The following IFT74 variants were observed in gnomAD, a reference collection of about 807,000 sequenced individuals.
IFT74 encodes intraflagellar transport protein 74 homolog.
Under a neutral mutation model 96.7 loss-of-function variants are expected in IFT74, and 92 were observed. That is an observed-to-expected ratio of 0.95 (90% confidence interval 0.80 to 1.13). IFT74 has a LOEUF of 1.13. Ranked by LOEUF, IFT74 falls within the 50% of genes most tolerant of loss-of-function variation. The probability of loss-of-function intolerance (pLI) is 0.00; values close to 1 mark genes in which losing one functional copy is unlikely to be tolerated. For synonymous variants in IFT74, 223 were observed against 213.2 expected (o/e 1.05, Z -0.40); for missense variants, 811 against 698.2 (o/e 1.16, Z -1.82).
In IFT74 at chr9:27,047,380, C is replaced by G; in HGVS notation, c.1206+9C>G. ...TGGAGCACTGCAGTCGAGTGAGTACCATGTGCCTGTCTTGGTGTCCTCTTT... is the reference window on the plus strand; with the variant it reads ...TGGAGCACTGCAGTCGAGTGAGTACGATGTGCCTGTCTTGGTGTCCTCTTT... On this transcript the variant is annotated intron_variant, in intron 15 of 19. Transcript: ENST00000380062. 6.5e-7 allele frequency: 1 copy of G among 1,549,656 alleles called. No individual in the cohort carries two copies.
chr9:26,990,496 TG>T (rs1174414403), intron 8 of IFT74, among the ~76,000 whole-genome samples: 4 of 152,220 alleles, frequency 2.6e-5, no homozygotes, highest in African/African-American at 9.6e-5. Flanking sequence ...GGTTTTAACC[TG>T]GGCTTTTAAC....
chr9:26,998,116 T>G, intron 8 of IFT74: 1 of 1,613,090 alleles, frequency 6.2e-7, no homozygotes, highest in Non-Finnish European at 8.5e-7. Context: ...AGTATGTCTG[T>G]AGAACTCTTG....
chr9:27,019,325 A>G (rs552985215), intron 12 of IFT74, among the ~76,000 whole-genome samples: 1 of 151,898 alleles, frequency 6.6e-6, no homozygotes, highest in Non-Finnish European at 1.5e-5. Context: ...CACCTCCCTT[A>G]TCCCTCTCCC....
At chr9:27,045,004 G>A (rs147243879) in intron 14 of IFT74, among the ~76,000 whole-genome samples, 6 of 152,288 alleles carry the variant, frequency 3.9e-5, no homozygotes, top group Middle Eastern at 3.4e-3. Context: ...GTGTCTATAC[G>A]TTGGGGCTAG....
chr9:27,059,819 T>C (rs1474013634), intron 18 of IFT74, among the ~76,000 whole-genome samples: 4 of 152,222 alleles, frequency 2.6e-5, no homozygotes, highest in African/African-American at 7.2e-5. Context: ...GCTTCAATTA[T>C]TGTATTTTTA....
At chr9:26,960,809 G>A (rs1826320950) in intron 1 of IFT74, among the ~76,000 whole-genome samples, 1 of 151,970 alleles carries the variant, frequency 6.6e-6, no homozygotes, top group Non-Finnish European at 1.5e-5. Context: ...CAAGCTCCAT[G>A]TCTCGCCATG....
intron 13 of IFT74, among the ~76,000 whole-genome samples, chr9:27,043,772 G>C (rs1311562101): frequency 6.6e-6 from 1 of 152,106 alleles, no homozygotes; most frequent in East Asian, 1.9e-4. Context: ...CCCTCACCAA[G>C]CCAATCACTC....
At chr9:27,044,218 T>G (rs950984368) in intron 13 of IFT74, among the ~76,000 whole-genome samples, 4 of 152,204 alleles carry the variant, frequency 2.6e-5, no homozygotes, top group Admixed American at 2.0e-4. Context: ...CTCCTACTAT[T>G]CTTTATAATA....
intron 18 of IFT74, 122 bp from the exon 19 acceptor site, chr9:27,060,469 C>T (rs1405060532): frequency 6.1e-6 from 3 of 491,532 alleles, no homozygotes; most frequent in African/African-American, 2.0e-5. Flanking sequence ...GGCTTTATCT[C>T]AATAAAATGT....
chr9:26,988,094 A>G (rs1320949283), intron 6 of IFT74, among the ~76,000 whole-genome samples: 1 of 152,056 alleles, frequency 6.6e-6, no homozygotes, highest in Non-Finnish European at 1.5e-5. Context: ...CTGGGATTAC[A>G]GGCATGTGCC....
chr9:27,037,020 C>T (rs910451039), intron 13 of IFT74, among the ~76,000 whole-genome samples: 1 of 151,832 alleles, frequency 6.6e-6, no homozygotes. Context: ...GGATTCAGGA[C>T]CAGCCTGGCC....
chr9:26,992,978 C>T (rs972632522), intron 8 of IFT74, among the ~76,000 whole-genome samples: 1 of 152,286 alleles, frequency 6.6e-6, no homozygotes, highest in African/African-American at 2.4e-5. Context: ...TAAACAGCCT[C>T]AATATATTAC....
rs142455740 is a variant in IFT74 at position 26,980,958 on chromosome 9, C to T, written c.305+339C>T. Among the ~76,000 whole-genome samples the T allele has an allele frequency of 9.5e-3, 1,452 of 152,192 alleles. 17 individuals carry two copies. Among genetic ancestry groups the T allele is most frequent in the African/African-American group, 0.032 (1,349 of 41,524 alleles). On this transcript the variant is annotated intron_variant, in intron 4 of 19. Transcript: ENST00000380062. ...AATTTATTTCTTACTGTTCCGGAGACGCAGAAGTCCAAGATCAAGGTGCCA... is the reference window on the plus strand; with the variant it reads ...AATTTATTTCTTACTGTTCCGGAGATGCAGAAGTCCAAGATCAAGGTGCCA...
intron 6 of IFT74, among the ~76,000 whole-genome samples, chr9:26,985,567 T>G (rs1827595357): frequency 6.6e-6 from 1 of 152,192 alleles, no homozygotes; most frequent in East Asian, 1.9e-4. Flanking sequence ...ACCATAAAAA[T>G]TACAACAAAT....
intron 8 of IFT74, chr9:26,994,479 G>T (rs1371753812): frequency 6.7e-6 from 1 of 150,252 alleles, no homozygotes; most frequent in African/African-American, 2.5e-5. Context: ...GGAGGTTGCA[G>T]TGATCTGAGA....
chr9:27,037,236 AAAAG>A (rs1483850015), intron 13 of IFT74, among the ~76,000 whole-genome samples: 1 of 151,952 alleles, frequency 6.6e-6, no homozygotes, highest in African/African-American at 2.4e-5. Flanking sequence ...AAAAAAAAAA[AAAAG>A]CTTGCAGAGA....
At chr9:27,019,204 A>G (rs1829486582) in intron 12 of IFT74, among the ~76,000 whole-genome samples, 1 of 152,062 alleles carries the variant, frequency 6.6e-6, no homozygotes, top group Admixed American at 6.6e-5. Flanking sequence ...TGATCCTCCC[A>G]TCTCAGCTTC....
Position 27,064,082 on chromosome 9 carries a change from A to G in IFT74, c.*1346A>G, listed in dbSNP as rs1017746773. ...ATGCTAATGTATAATAAGCTCAAGA[A>G]GAATATATACTGTAAAGCATTTCCC... On this transcript the variant is annotated 3_prime_UTR_variant, in exon 20 of 20. Transcript: ENST00000380062. Among the ~76,000 whole-genome samples, 3 of 152,188 alleles carry G rather than the reference A, an allele frequency of 2.0e-5. No homozygotes were observed. The highest frequency in any genetic ancestry group is 7.2e-5 in the African/African-American group (3 of 41,466).
chr9:27,026,703 A>G (rs1434229007), intron 12 of IFT74, among the ~76,000 whole-genome samples: 3 of 152,220 alleles, frequency 2.0e-5, no homozygotes, highest in Admixed American at 6.5e-5. Flanking sequence ...TGGAAATTAA[A>G]TAATTTGCTC....
Sources: gnomAD v4.1 joint callset for allele counts (sites outside exome capture counted in the v4.1 genomes callset) on GRCh38, gnomAD v4.1.1 for gene constraint, MANE v1.5 for transcripts, NCBI Gene and HGNC (gene_info 2026-07-23, HGNC 2026-07-21) for gene names.